Variants in TRPS1 observed in about 807,000 individuals in gnomAD.
The protein encoded by TRPS1 is transcriptional repressor GATA binding 1.
In TRPS1, 6 loss-of-function variants were observed where a neutral mutation model predicts 101.2. That is an observed-to-expected ratio of 0.06 (90% confidence interval 0.03 to 0.12). TRPS1 has a LOEUF of 0.12. Ranked by LOEUF, TRPS1 falls within the 10% of genes least tolerant of loss-of-function variation. TRPS1 has a pLI of 1.00. For missense variants in TRPS1, 1,363 were observed against 1,567.0 expected, an observed-to-expected ratio of 0.87 and a Z score of 2.20; for synonymous variants, 578 against 589.8, an observed-to-expected ratio of 0.98 and a Z score of 0.29.
At chr8:115,461,998 T>G (rs1340419676) in intron 5 of TRPS1, among the ~76,000 whole-genome samples, 2 of 152,174 alleles carry the variant, frequency 1.3e-5, no homozygotes, top group Non-Finnish European at 2.9e-5. Context: ...TTTACCTATC[T>G]TCAACACCTT....
At chr8:115,506,264 G>T (rs1221751259) in intron 5 of TRPS1, among the ~76,000 whole-genome samples, 1 of 151,926 alleles carries the variant, frequency 6.6e-6, no homozygotes, top group Non-Finnish European at 1.5e-5. Flanking sequence ...AAAAAAACAT[G>T]GGGGTGACTT....
intron 5 of TRPS1, among the ~76,000 whole-genome samples, chr8:115,442,808 A>G (rs1813638341): frequency 6.6e-6 from 1 of 151,634 alleles, no homozygotes; most frequent in South Asian, 2.1e-4. Flanking sequence ...CTAAAAAAAA[A>G]AGGCCAGGCG....
chr8:115,639,993 ATAT>A (rs1320868958), intron 1 of TRPS1, among the ~76,000 whole-genome samples: 1 of 152,208 alleles, frequency 6.6e-6, no homozygotes, highest in Non-Finnish European at 1.5e-5. Context: ...GTAGTTACAT[ATAT>A]TATTGACAGT....
intron 1 of TRPS1, chr8:115,661,618 C>T (rs978280499): frequency 6.6e-6 from 1 of 152,032 alleles, no homozygotes; most frequent in African/African-American, 2.4e-5. Flanking sequence ...AAACATCATC[C>T]TTAATCTCTC....
chr8:115,497,974 G>A (rs1815191419), intron 5 of TRPS1, among the ~76,000 whole-genome samples: 1 of 152,118 alleles, frequency 6.6e-6, no homozygotes, highest in South Asian at 2.1e-4. Flanking sequence ...AAATGACGAG[G>A]AAGATTAGAA....
chr8:115,415,222 C>T (rs1418036924), intron 6 of TRPS1, 138 bp from the exon 7 acceptor site: 2 of 934,040 alleles, frequency 2.1e-6, no homozygotes. Context: ...ACTAAATCTC[C>T]TCCTTTTGCC....
At chr8:115,613,003 A>C (rs2130515276) in intron 3 of TRPS1, among the ~76,000 whole-genome samples, 1 of 152,280 alleles carries the variant, frequency 6.6e-6, no homozygotes, top group East Asian at 1.9e-4. Flanking sequence ...TCTGCATGGA[A>C]AAAAAACAAC....
At chr8:115,520,062 T>C (rs998292912) in intron 5 of TRPS1, among the ~76,000 whole-genome samples, 1 of 151,746 alleles carries the variant, frequency 6.6e-6, no homozygotes, top group Non-Finnish European at 1.5e-5. Flanking sequence ...ACATACCTCT[T>C]CACTGTCAAT....
intron 5 of TRPS1, among the ~76,000 whole-genome samples, chr8:115,542,510 C>T (rs1238184637): frequency 6.6e-6 from 1 of 151,862 alleles, no homozygotes; most frequent in African/African-American, 2.4e-5. Flanking sequence ...GGAAAAACGC[C>T]AGAGTCCTTT....
At chr8:115,634,802 ACATTATGACAGT>A (rs1818729389) in intron 1 of TRPS1, among the ~76,000 whole-genome samples, 1 of 152,038 alleles carries the variant, frequency 6.6e-6, no homozygotes, top group Admixed American at 6.6e-5. Flanking sequence ...TAAATGTGAG[ACATTATGACAGT>A]CATTAAGAAA....
intron 5 of TRPS1, among the ~76,000 whole-genome samples, chr8:115,536,798 GT>G (rs900943605): frequency 6.2e-4 from 85 of 137,674 alleles, no homozygotes; most frequent in Admixed American, 2.9e-4. Flanking sequence ...TTTTTTTTTT[GT>G]TTTTTTTTTC....
chr8:115,484,224 G>A (rs142482821), intron 5 of TRPS1, among the ~76,000 whole-genome samples: 29 of 151,284 alleles, frequency 1.9e-4, no homozygotes, highest in African/African-American at 6.3e-4. Flanking sequence ...CTTTACCACT[G>A]TTAACAATGC....
intron 5 of TRPS1, among the ~76,000 whole-genome samples, chr8:115,493,201 T>A (rs1815070572): frequency 1.3e-5 from 2 of 152,118 alleles, no homozygotes; most frequent in Non-Finnish European, 2.9e-5. Flanking sequence ...AACTTACAGG[T>A]TTTTAGCCTA....
At chr8:115,630,791 G>A (rs1333558337) in intron 1 of TRPS1, among the ~76,000 whole-genome samples, 1 of 151,956 alleles carries the variant, frequency 6.6e-6, no homozygotes, top group East Asian at 1.9e-4. Flanking sequence ...CGCTTGTCTA[G>A]GTGCAGACCT....
chr8:115,483,203 T>C (rs1383133052), intron 5 of TRPS1, among the ~76,000 whole-genome samples: 1 of 152,168 alleles, frequency 6.6e-6, no homozygotes, highest in African/African-American at 2.4e-5. Flanking sequence ...TAGAATGTTC[T>C]AGGCATCACC....
chr8:115,577,969 G>C (rs1817359746), intron 5 of TRPS1, among the ~76,000 whole-genome samples: 1 of 152,136 alleles, frequency 6.6e-6, no homozygotes, highest in Non-Finnish European at 1.5e-5. Context: ...AGAAAAGAGA[G>C]AAATTATTCG....
chr8:115,429,756 C>T (rs900674568), intron 5 of TRPS1, among the ~76,000 whole-genome samples: 1 of 152,074 alleles, frequency 6.6e-6, no homozygotes, highest in African/African-American at 2.4e-5. Flanking sequence ...ACTTTATTTT[C>T]CCCTGCCTTA....
At chr8:115,478,411 C>G (rs529319842) in intron 5 of TRPS1, among the ~76,000 whole-genome samples, 110 of 152,226 alleles carry the variant, frequency 7.2e-4, no homozygotes, top group African/African-American at 2.6e-3. Flanking sequence ...GTATTACTAG[C>G]CTTTTAACAT....
At chr8:115,454,936 C>G (rs1813979348) in intron 5 of TRPS1, among the ~76,000 whole-genome samples, 1 of 152,088 alleles carries the variant, frequency 6.6e-6, no homozygotes, top group Non-Finnish European at 1.5e-5. Context: ...CTTAGGCTTC[C>G]AGATACCATG....
Sources: gnomAD v4.1 joint callset for allele counts (sites outside exome capture counted in the v4.1 genomes callset) on GRCh38, gnomAD v4.1.1 for gene constraint, MANE v1.5 for transcripts, NCBI Gene and HGNC (gene_info 2026-07-23, HGNC 2026-07-21) for gene names.